Variants in MATN3 observed in about 807,000 individuals in gnomAD.
The protein encoded by MATN3 is matrilin-3.
Under a neutral mutation model 45.3 loss-of-function variants are expected in MATN3, and 48 were observed. The observed-to-expected ratio is 1.06, with a 90% CI of 0.84 to 1.35. The LOEUF (loss-of-function observed/expected upper bound fraction) is 1.35, where lower values mean the gene tolerates loss of function less well. Among genes scored for constraint, MATN3 ranks in the 40% most tolerant of loss-of-function variants. The pLI, the probability that MATN3 is intolerant of heterozygous loss-of-function variation, is 0.00. For missense variants in MATN3, 599 were observed against 628.0 expected (o/e 0.95, Z 0.49); for synonymous variants, 217 against 245.9 (o/e 0.88, Z 1.10).
intron 3 of MATN3, among the ~76,000 whole-genome samples, chr2:20,002,534 T>C (rs1326384716): frequency 6.6e-6 from 1 of 152,202 alleles, no homozygotes; most frequent in African/African-American, 2.4e-5. Flanking sequence ...TGTAATGAAA[T>C]AAAATCCAGG....
chr2:20,003,385 G>A (rs747823209), intron 2 of MATN3, 99 bp from the exon 3 acceptor site: 63 of 1,195,780 alleles, frequency 5.3e-5, no homozygotes, highest in Middle Eastern at 2.2e-4. Context: ...GCTCCTTTCC[G>A]AGTCCATCTT....
rs990213153 is a variant in MATN3, at chr2:20,010,065, A to C, written c.223+2344T>G. Among the ~76,000 whole-genome samples, 471 of 117,308 alleles carry C rather than the reference A, an allele frequency of 4.0e-3. 1 individual carries two copies. Among genetic ancestry groups the C allele is most frequent in the Middle Eastern group, 8.5e-3 (2 of 234 alleles). The allele number at this position is 117,308 out of a possible 152,430, so 77.0% of individuals were successfully genotyped here. The stretch of plus-strand genomic sequence containing the variant: ...TGTCTCAGAATAAATCTCTTCAAAT[A>C]CTAAAAAAAAAAAAAAAAAAAAAAA... On this transcript the variant is annotated intron_variant, in intron 1 of 7. Transcript: ENST00000407540.
chr2:20,006,821 C>G (rs1673116031), intron 1 of MATN3, among the ~76,000 whole-genome samples: 1 of 152,208 alleles, frequency 6.6e-6, no homozygotes, highest in Non-Finnish European at 1.5e-5. Context: ...TTTTACTCCA[C>G]TTCCAAGGGG....
At chr2:20,001,404 T>C (rs554856033) in intron 4 of MATN3, among the ~76,000 whole-genome samples, 10 of 152,328 alleles carry the variant, frequency 6.6e-5, no homozygotes, top group African/African-American at 2.2e-4. Context: ...CTTTCACGTT[T>C]CTGAGAAGTA....
chr2:19,994,349 A>T lies in MATN3; in HGVS notation c.1355T>A (p.Leu452Gln). The change falls in exon 7 of 8, where the codon CTG (leucine) becomes CAG (glutamine). Residue 452 changes from leucine to glutamine, a missense_variant. Leu to Gln is a moderately radical substitution (Grantham distance 113). Transcript: ENST00000407540. The part of the protein sequence containing the change: ...TEDACGCEAT[L>Q]AFQDKVSSYL... ...CGAGCTGACCTTGTCCTGGAATGCC[A>T]GTGTAGCTTCACATCCACAAGCATC... is the stretch of plus-strand genomic sequence containing the variant. 1.2e-6 allele frequency: 2 copies of T among 1,613,724 alleles called. No homozygotes were observed. Among genetic ancestry groups the T allele is most frequent in the Non-Finnish European group, 1.7e-6 (2 of 1,179,746 alleles).
chr2:20,012,497 C>T lies in MATN3; in HGVS notation c.135G>A (p.Gly45=), dbSNP rs1673238187. The T allele has an allele frequency of 2.4e-6, 3 of 1,228,758 alleles. No homozygotes were observed. The highest frequency in any genetic ancestry group is 1.0e-6 in the Non-Finnish European group (1 of 986,248). The allele number at this position is 1,228,758 out of a possible 1,614,324, so 76.1% of individuals were successfully genotyped here. ...GAGAGGGGCGGCGTCCAGGGCTGCC[C>T]CCGGGACCTCGGGTCTCCAGCCTCC... ...GFRRLETRGP[G]GSPGRRPSPA... Residue 45 remains glycine, a synonymous_variant, in exon 1 of 8, where the codon GGG becomes GGA. Coordinates refer to ENST00000407540, the MANE Select transcript of MATN3 (RefSeq NM_002381.5). The surrounding 1 kb of genome is among the most constrained non-coding windows in gnomAD (Gnocchi z 4.3).
rs1165031434 is a variant in MATN3, at chr2:19,995,709, A to G, written c.1295-1300T>C. Among the ~76,000 whole-genome samples the G allele has an allele frequency of 6.6e-6, 1 of 152,244 alleles. No homozygotes were observed. The highest frequency in any genetic ancestry group is 1.5e-5 in the Non-Finnish European group (1 of 68,038). Reference sequence around the variant, plus strand: ...GCTCCTCCTAAAGTTGTGAATAGAAATAAGAGTAACTTCCCAGGTCTGAAG... The same window carrying G: ...GCTCCTCCTAAAGTTGTGAATAGAAGTAAGAGTAACTTCCCAGGTCTGAAG... On this transcript the variant is annotated intron_variant, in intron 6 of 7. Coordinates refer to ENST00000407540, the MANE Select transcript of MATN3 (RefSeq NM_002381.5). This position sits in a 1 kb window ranked among gnomAD's most constrained non-coding sequence, Gnocchi z 4.2.
rs1299033419 is a variant in MATN3 at position 19,992,535 on chromosome 2, C to T, written c.*576G>A. The T allele has an allele frequency of 1.3e-5, 2 of 152,252 alleles. No individual in the cohort carries two copies. Among genetic ancestry groups the T allele is most frequent in the Non-Finnish European group, 1.5e-5 (1 of 68,058 alleles). 9.4% of individuals were successfully genotyped at this position (152,252 alleles called of 1,614,324 possible). Reference sequence around the variant, plus strand: ...ATTAAAAATGGCAATGTAATGTTCACTTGATCTGTGTTAACTATTTTTAGA... The same window carrying T: ...ATTAAAAATGGCAATGTAATGTTCATTTGATCTGTGTTAACTATTTTTAGA... On this transcript the variant is annotated 3_prime_UTR_variant, in exon 8 of 8. Transcript: ENST00000407540.
At chr2:20,003,358 T>C in intron 2 of MATN3, 72 bp from the exon 3 acceptor site, 1 of 1,448,682 alleles carries the variant, frequency 6.9e-7, no homozygotes, top group African/African-American at 1.4e-5. Flanking sequence ...CCCATGTCAA[T>C]AGACATTGCT....
chr2:19,997,426 C>T (rs1264821686), intron 5 of MATN3, 167 bp from the exon 6 acceptor site: 1 of 596,898 alleles, frequency 1.7e-6, no homozygotes, highest in South Asian at 2.2e-5. Flanking sequence ...GTTTTCTCTT[C>T]CCATACCTCT....
At chr2:19,998,542 G>A in intron 5 of MATN3, among the ~76,000 whole-genome samples, 1 of 152,132 alleles carries the variant, frequency 6.6e-6, no homozygotes, top group African/African-American at 2.4e-5. Flanking sequence ...TATTGCTTGA[G>A]CTTAGGAGTT....
Position 19,995,795 on chromosome 2 carries a change from G to A in MATN3, c.1294+1339C>T, listed in dbSNP as rs1429843512. ...GCCTGAGGACAGGAAATGGTCCTTTGCTGCAACATTTTTACTCTTAACATT... is the reference window on the plus strand; with the variant it reads ...GCCTGAGGACAGGAAATGGTCCTTTACTGCAACATTTTTACTCTTAACATT... On this transcript the variant is annotated intron_variant, in intron 6 of 7. Transcript: ENST00000407540. The surrounding 1 kb of genome is among the most constrained non-coding windows in gnomAD (Gnocchi z 4.2). Among the ~76,000 whole-genome samples, 2 of 152,130 alleles carry A rather than the reference G, an allele frequency of 1.3e-5. No individual in the cohort carries two copies. Among genetic ancestry groups the A allele is most frequent in the African/African-American group, 4.8e-5 (2 of 41,410 alleles).
At position 19,995,875 on chromosome 2, in the gene MATN3, T is replaced by TCATCTATC. The variant is rs1672856535; in HGVS notation, c.1294+1251_1294+1258dup. Among the ~76,000 whole-genome samples, 1 of 152,194 alleles carries TCATCTATC rather than the reference T, an allele frequency of 6.6e-6. No homozygotes were observed. The highest frequency in any genetic ancestry group is 1.5e-5 in the Non-Finnish European group (1 of 68,028). ...TCATAAATTCATTAAATATAATCTATCATCTATCCACCTGTCTGAATCCTA... is the reference window on the plus strand; with the variant it reads ...TCATAAATTCATTAAATATAATCTATCATCTATCCATCTATCCACCTGTCTGAATCCTA... On this transcript the variant is annotated intron_variant, in intron 6 of 7. Transcript: ENST00000407540. The surrounding 1 kb of genome is among the most constrained non-coding windows in gnomAD (Gnocchi z 4.2).
In MATN3 at chr2:19,992,870, C is replaced by T. The variant is rs898705358; in HGVS notation, c.*241G>A. 3 of 467,600 alleles carry T rather than the reference C, an allele frequency of 6.4e-6. No individual in the cohort carries two copies. Among genetic ancestry groups the T allele is most frequent in the Non-Finnish European group, 1.1e-5 (3 of 267,988 alleles). The allele number at this position is 467,600 out of a possible 1,614,324, so 29.0% of individuals were successfully genotyped here. On this transcript the variant is annotated 3_prime_UTR_variant, in exon 8 of 8. Transcript: ENST00000407540. ...ATTCTATTTCCTACCAATCATTTCA[C>T]AGTCATAACTTAGAGACACTAAAGT...
intron 5 of MATN3, among the ~76,000 whole-genome samples, chr2:19,999,930 A>AG (rs1219061882): frequency 2.0e-5 from 3 of 152,212 alleles, no homozygotes. Context: ...TTGATCGTCT[A>AG]GAAACTGCCA....
At chr2:20,007,242 A>G (rs1295679547) in intron 1 of MATN3, among the ~76,000 whole-genome samples, 6 of 150,142 alleles carry the variant, frequency 4.0e-5, no homozygotes. Flanking sequence ...AAGTAGAAAG[A>G]GGGGCCCGGG....
At chr2:20,004,449 T>A (rs1673056346) in intron 2 of MATN3, among the ~76,000 whole-genome samples, 1 of 152,126 alleles carries the variant, frequency 6.6e-6, no homozygotes, top group East Asian at 1.9e-4. Context: ...GCCACTTTCT[T>A]TTTGGAAGCC....
intron 2 of MATN3, 114 bp downstream of exon 2, chr2:20,005,630 T>G: frequency 1.2e-6 from 1 of 861,864 alleles, no homozygotes; most frequent in Non-Finnish European, 1.8e-6. Flanking sequence ...GCATTGGATA[T>G]ATTTAAGTTT....
At chr2:20,008,198 G>A (rs1006380740) in intron 1 of MATN3, among the ~76,000 whole-genome samples, 1 of 152,142 alleles carries the variant, frequency 6.6e-6, no homozygotes, top group Admixed American at 6.5e-5. Flanking sequence ...CCCAACCTCA[G>A]GTGATCCTCC....
Sources: allele counts gnomAD v4.1 joint callset (sites outside exome capture counted in the v4.1 genomes callset), GRCh38; gene constraint gnomAD v4.1.1; non-coding constraint Gnocchi (gnomAD v3.1); transcripts MANE v1.5; gene names NCBI Gene and HGNC (gene_info 2026-07-23, HGNC 2026-07-21).